The following TANGO2 variants were observed in gnomAD, a reference collection of about 807,000 sequenced individuals.
TANGO2 encodes transport and Golgi organization protein 2 homolog.
In TANGO2, 26 loss-of-function variants were observed where a neutral mutation model predicts 39.1. That is an observed-to-expected ratio of 0.67 (90% confidence interval 0.49 to 0.92). The LOEUF (loss-of-function observed/expected upper bound fraction) is 0.92. Among genes scored for constraint, TANGO2 ranks in the 40% least tolerant of loss-of-function variants. TANGO2 has a pLI of 0.00. For missense variants in TANGO2, 326 were observed against 360.1 expected (o/e 0.91, Z 0.77); for synonymous variants, 131 against 144.5 (o/e 0.91, Z 0.67).
chr22:20,044,237 C>T (rs561339947), intron 3 of TANGO2, among the ~76,000 whole-genome samples: 4 of 152,074 alleles, frequency 2.6e-5, no homozygotes, highest in African/African-American at 7.2e-5. Context: ...CCTCCCAGGC[C>T]GGGAGGGCAG....
intron 2 of TANGO2, among the ~76,000 whole-genome samples, chr22:20,037,471 C>G (rs1179886363): frequency 1.3e-5 from 2 of 152,194 alleles, no homozygotes; most frequent in African/African-American, 2.4e-5. Context: ...TGTAACCACT[C>G]TCTAATGCAA....
chr22:20,036,590 G>T (rs562477541), intron 1 of TANGO2, among the ~76,000 whole-genome samples, 170 bp from the exon 2 acceptor site: 1 of 152,148 alleles, frequency 6.6e-6, no homozygotes, highest in Non-Finnish European at 1.5e-5. Flanking sequence ...CATGGGTTTG[G>T]GAGTTGTTTG....
chr22:20,055,641 C>T (rs1428995075), intron 5 of TANGO2: 3 of 482,318 alleles, frequency 6.2e-6, no homozygotes, highest in Non-Finnish European at 1.1e-5. Flanking sequence ...TGGGCAGCCT[C>T]TGTGTGTCCA....
rs1338689500 is a variant in TANGO2 at position 20,057,227 on chromosome 22, A to C, written c.451+1214A>C. ...GCATCTTAGGGGGCTGGTGGTGCTG[A>C]CGGGCTCATCATGAGTCCTGTGGTC... On this transcript the variant is annotated intron_variant, in intron 6 of 8. Transcript: ENST00000327374. This position sits in a 1 kb window ranked among gnomAD's most constrained non-coding sequence, Gnocchi z 4.1. Among the ~76,000 whole-genome samples, 1 of 152,110 alleles carries C rather than the reference A, an allele frequency of 6.6e-6. No homozygotes were observed. Among genetic ancestry groups the C allele is most frequent in the East Asian group, 1.9e-4 (1 of 5,194 alleles).
At chr22:20,049,472 C>A (rs2034857062) in intron 3 of TANGO2, among the ~76,000 whole-genome samples, 1 of 151,980 alleles carries the variant, frequency 6.6e-6, no homozygotes, top group Admixed American at 6.6e-5. Flanking sequence ...ACCAGCCTGA[C>A]CAACATGGAG....
intron 3 of TANGO2, among the ~76,000 whole-genome samples, chr22:20,047,461 T>G (rs2045462503): frequency 6.6e-6 from 1 of 151,960 alleles, no homozygotes; most frequent in Non-Finnish European, 1.5e-5. Flanking sequence ...TCTCGAACTC[T>G]TGACCTCAGG....
At chr22:20,056,676 G>A (rs2047419398) in intron 6 of TANGO2, 1 of 456,566 alleles carries the variant, frequency 2.2e-6, no homozygotes, top group Non-Finnish European at 4.4e-6. Context: ...CCCCTCTGCA[G>A]CCATGTTCTG....
At chr22:20,042,959 C>T (rs1169167389) in intron 2 of TANGO2, among the ~76,000 whole-genome samples, 1 of 152,046 alleles carries the variant, frequency 6.6e-6, no homozygotes, top group Non-Finnish European at 1.5e-5. Context: ...TTCCAAGAGC[C>T]CACGGGTTTG....
intron 8 of TANGO2, chr22:20,063,707 C>A (rs1227459477): frequency 4.9e-6 from 2 of 408,246 alleles, no homozygotes; most frequent in African/African-American, 4.1e-5. Context: ...ATTGGTGGAT[C>A]CCTGCGGGCA....
intron 1 of TANGO2, among the ~76,000 whole-genome samples, chr22:20,034,136 C>T (rs1049193274): frequency 2.0e-5 from 3 of 152,084 alleles, no homozygotes; most frequent in South Asian, 2.1e-4. Context: ...ACTCGGGGGG[C>T]GGAGGTTGCG....
intron 2 of TANGO2, among the ~76,000 whole-genome samples, chr22:20,038,122 G>T (rs2043203972): frequency 6.6e-6 from 1 of 152,164 alleles, no homozygotes; most frequent in African/African-American, 2.4e-5. Context: ...AGGTCATGTG[G>T]GTAGGCCCTA....
At chr22:20,039,759 A>C (rs1454604637) in intron 2 of TANGO2, among the ~76,000 whole-genome samples, 5 of 152,048 alleles carry the variant, frequency 3.3e-5, no homozygotes, top group Non-Finnish European at 7.4e-5. Flanking sequence ...GTCACCACTG[A>C]GGGTTTGATC....
intron 6 of TANGO2, chr22:20,056,939 G>A (rs2047483109): frequency 4.4e-6 from 2 of 456,462 alleles, no homozygotes; most frequent in Admixed American, 4.7e-5. Context: ...CCGGCGCCTG[G>A]GGAGTGTGTC....
At chr22:20,051,010 C>T (rs531962590) in intron 3 of TANGO2, among the ~76,000 whole-genome samples, 69 of 151,172 alleles carry the variant, frequency 4.6e-4, no homozygotes, top group African/African-American at 1.6e-3. Flanking sequence ...TACAGGCATG[C>T]ACCACCACGC....
intron 1 of TANGO2, among the ~76,000 whole-genome samples, chr22:20,035,576 G>A (rs4819859): frequency 0.39 from 58,687 of 152,182 alleles, 13,633 homozygotes; most frequent in Middle Eastern, 0.52. Context: ...GGGTGGGGAC[G>A]AGGTGTATGC....
chr22:20,047,035 A>G (rs922948782), intron 3 of TANGO2, among the ~76,000 whole-genome samples: 1 of 152,182 alleles, frequency 6.6e-6, no homozygotes, highest in African/African-American at 2.4e-5. Flanking sequence ...TGCAGATCAC[A>G]CACGGAGGGA....
At chr22:20,045,708 G>T (rs1421453270) in intron 3 of TANGO2, among the ~76,000 whole-genome samples, 1 of 151,832 alleles carries the variant, frequency 6.6e-6, no homozygotes, top group Non-Finnish European at 1.5e-5. Flanking sequence ...TCTCCATGTT[G>T]GTCAGGCTGG....
intron 3 of TANGO2, 46 bp downstream of exon 3, chr22:20,043,489 C>T (rs768224042): frequency 2.1e-6 from 3 of 1,410,100 alleles, no homozygotes; most frequent in Non-Finnish European, 3.0e-6. Flanking sequence ...TTGTTGCTTC[C>T]CTAGCCCCTG....
At chr22:20,019,731 T>C (rs2039431292), upstream of TANGO2, among the ~76,000 whole-genome samples, 1 of 152,174 alleles carries the variant, frequency 6.6e-6, no homozygotes, top group African/African-American at 2.4e-5. Flanking sequence ...AAGCCCCAGA[T>C]CCCACTTGTC....
Sources: gnomAD v4.1 joint callset for allele counts (sites outside exome capture counted in the v4.1 genomes callset) on GRCh38, gnomAD v4.1.1 for gene constraint, Gnocchi (gnomAD v3.1) non-coding constraint, MANE v1.5 for transcripts, NCBI Gene and HGNC (gene_info 2026-07-23, HGNC 2026-07-21) for gene names.